The following L3MBTL4 variants were observed in gnomAD, a reference collection of about 807,000 sequenced individuals.
L3MBTL4 encodes L3MBTL histone methyl-lysine binding protein 4.
L3MBTL4 carries 70 observed loss-of-function variants against 84.5 expected under a neutral mutation model. The ratio of observed to expected loss-of-function variants is 0.83; its 90% CI spans 0.68 to 1.01. L3MBTL4 has a LOEUF of 1.01. L3MBTL4 is among the 50% of genes least tolerant of loss of function. The pLI is 0.00. For missense variants in L3MBTL4, 715 were observed against 754.8 expected, an observed-to-expected ratio of 0.95 and a Z score of 0.62; for synonymous variants, 274 against 259.8, an observed-to-expected ratio of 1.05 and a Z score of -0.52.
chr18:6,007,290 G>A (rs772418030), intron 16 of L3MBTL4, among the ~76,000 whole-genome samples: 7 of 151,178 alleles, frequency 4.6e-5, no homozygotes, highest in Admixed American at 2.0e-4. Context: ...GCAACAGAAA[G>A]ATTGCCCAAT....
At chr18:6,369,330 T>C (rs1376793507) in intron 1 of L3MBTL4, among the ~76,000 whole-genome samples, 2 of 152,158 alleles carry the variant, frequency 1.3e-5, no homozygotes, top group Non-Finnish European at 2.9e-5. Flanking sequence ...CAAGGGAATG[T>C]GTCCTCCAGG....
chr18:6,076,603 C>A (rs1258917890), intron 16 of L3MBTL4, among the ~76,000 whole-genome samples: 1 of 151,836 alleles, frequency 6.6e-6, no homozygotes, highest in Non-Finnish European at 1.5e-5. Flanking sequence ...AGAAAGGTAA[C>A]CACAATATAT....
intron 16 of L3MBTL4, among the ~76,000 whole-genome samples, chr18:6,034,635 T>G (rs533588793): frequency 6.6e-6 from 1 of 152,308 alleles, no homozygotes; most frequent in East Asian, 1.9e-4. Context: ...TATAGCAGCA[T>G]GATTTATAGT....
chr18:6,335,098 A>G (rs1283579321), intron 1 of L3MBTL4, among the ~76,000 whole-genome samples: 2 of 152,072 alleles, frequency 1.3e-5, no homozygotes, highest in African/African-American at 4.8e-5. Context: ...TACTTTATTT[A>G]TTCATTTTTT....
chr18:6,293,815 A>G (rs905608224), intron 4 of L3MBTL4, among the ~76,000 whole-genome samples: 5 of 152,228 alleles, frequency 3.3e-5, no homozygotes, highest in African/African-American at 1.2e-4. Flanking sequence ...AAACTGACAG[A>G]CATTTTACAA....
At chr18:6,213,445 T>C (rs1321868470) in intron 11 of L3MBTL4, among the ~76,000 whole-genome samples, 186 bp from the exon 12 acceptor site, 1 of 152,232 alleles carries the variant, frequency 6.6e-6, no homozygotes, top group Admixed American at 6.5e-5. Context: ...GGAGTTTCAC[T>C]CTTGTTGCCC....
intron 14 of L3MBTL4, among the ~76,000 whole-genome samples, chr18:6,137,739 T>C (rs968381306): frequency 6.6e-6 from 1 of 152,202 alleles, no homozygotes; most frequent in East Asian, 1.9e-4. Flanking sequence ...AATTAAAACA[T>C]GGGCATATTC....
intron 1 of L3MBTL4, among the ~76,000 whole-genome samples, chr18:6,357,140 T>C (rs1430931820): frequency 6.6e-6 from 1 of 152,192 alleles, no homozygotes; most frequent in East Asian, 1.9e-4. Flanking sequence ...TCTTATCAAG[T>C]TAGCTCCCAC....
chr18:6,315,357 C>T (rs1043736256), intron 1 of L3MBTL4, among the ~76,000 whole-genome samples: 1 of 152,130 alleles, frequency 6.6e-6, no homozygotes, highest in African/African-American at 2.4e-5. Context: ...CAAATGAATG[C>T]ATTTTGATAA....
chr18:6,200,869 G>C (rs2045620491), intron 12 of L3MBTL4, among the ~76,000 whole-genome samples: 1 of 152,162 alleles, frequency 6.6e-6, no homozygotes, highest in African/African-American at 2.4e-5. Context: ...GGAGTGTTTA[G>C]TTAATGCCAA....
intron 16 of L3MBTL4, among the ~76,000 whole-genome samples, chr18:6,011,132 T>C (rs978758109): frequency 2.6e-5 from 4 of 152,232 alleles, no homozygotes; most frequent in East Asian, 1.9e-4. Flanking sequence ...TATCAACTTA[T>C]GGTGTCTCAT....
intron 14 of L3MBTL4, among the ~76,000 whole-genome samples, chr18:6,120,665 T>A (rs2059494850): frequency 6.6e-6 from 1 of 152,174 alleles, no homozygotes; most frequent in Admixed American, 6.5e-5. Context: ...CCAGGCTGAA[T>A]CTTAATCCTT....
intron 16 of L3MBTL4, among the ~76,000 whole-genome samples, chr18:6,078,542 T>C (rs2057950597): frequency 1.3e-5 from 2 of 151,878 alleles, no homozygotes; most frequent in Admixed American, 1.3e-4. Flanking sequence ...TAAATAATCG[T>C]TTAATATCAC....
intron 1 of L3MBTL4, 71 bp from the exon 2 acceptor site, chr18:6,312,127 C>T (rs183135068): frequency 6.6e-6 from 1 of 152,428 alleles, no homozygotes; most frequent in African/African-American, 2.4e-5. Flanking sequence ...TATTCATAAA[C>T]AGTGGTAGAC....
At chr18:6,230,173 A>G (rs2046936845) in intron 10 of L3MBTL4, among the ~76,000 whole-genome samples, 1 of 151,960 alleles carries the variant, frequency 6.6e-6, no homozygotes, top group African/African-American at 2.4e-5. Context: ...TCATTTCATC[A>G]CTCAGGTAAT....
rs530892307 is a variant in L3MBTL4 at position 6,281,468 on chromosome 18, A to C, written c.128-17430T>G. 4.6e-5 allele frequency among the ~76,000 whole-genome samples: 7 copies of C among 152,358 alleles called. No homozygotes were observed. In the South Asian group the frequency reaches 1.5e-3, roughly 32 times the overall value. ...AAATTGTCAGGGCTGAAATATATTTAACAAATCAGGTAACCATTTTAAACA... is the reference window on the plus strand; with the variant it reads ...AAATTGTCAGGGCTGAAATATATTTCACAAATCAGGTAACCATTTTAAACA... On this transcript the variant is annotated intron_variant, in intron 4 of 18. Coordinates refer to ENST00000317931, the MANE Select transcript of L3MBTL4 (RefSeq NM_001330559.2).
At chr18:6,387,628 C>T (rs556192194) in intron 1 of L3MBTL4, among the ~76,000 whole-genome samples, 4 of 152,184 alleles carry the variant, frequency 2.6e-5, no homozygotes, top group African/African-American at 9.6e-5. Flanking sequence ...AGTTTTCAAC[C>T]CTGAGAGTCA....
chr18:6,017,215 G>C (rs2055030665), intron 16 of L3MBTL4, among the ~76,000 whole-genome samples: 1 of 152,228 alleles, frequency 6.6e-6, no homozygotes. Context: ...GATTTCAAAA[G>C]CTGATGTTGA....
At chr18:6,142,516 A>C (rs1334670984) in intron 13 of L3MBTL4, among the ~76,000 whole-genome samples, 1 of 152,256 alleles carries the variant, frequency 6.6e-6, no homozygotes, top group Non-Finnish European at 1.5e-5. Flanking sequence ...TTTGTGAAAC[A>C]CATTGAAGCA....
Sources: gnomAD v4.1 joint callset for allele counts (sites outside exome capture counted in the v4.1 genomes callset) on GRCh38, gnomAD v4.1.1 for gene constraint, MANE v1.5 for transcripts, NCBI Gene and HGNC (gene_info 2026-07-23, HGNC 2026-07-21) for gene names.